The following NECTIN1 variants were observed in gnomAD, a reference collection of about 807,000 sequenced individuals.
The protein encoded by NECTIN1 is nectin-1.
Under a neutral mutation model 48.0 loss-of-function variants are expected in NECTIN1, and 23 were observed. That is an observed-to-expected ratio of 0.48 (90% CI 0.34 to 0.68). NECTIN1 has a LOEUF of 0.68. Ranked by LOEUF, NECTIN1 falls within the 30% of genes least tolerant of loss-of-function variation. NECTIN1 has a pLI of 0.01. For missense variants in NECTIN1, 591 were observed against 709.9 expected, an observed-to-expected ratio of 0.83 and a Z score of 1.90; for synonymous variants, 270 against 288.9, an observed-to-expected ratio of 0.93 and a Z score of 0.66.
At chr11:119,700,518 TG>T (rs1865433243) in intron 1 of NECTIN1, among the ~76,000 whole-genome samples, 2 of 152,274 alleles carry the variant, frequency 1.3e-5, no homozygotes, top group Non-Finnish European at 2.9e-5. Flanking sequence ...TTGGCCAGTC[TG>T]GGGGTCTCTG....
At chr11:119,699,038 T>G (rs1222558450) in intron 1 of NECTIN1, among the ~76,000 whole-genome samples, 2 of 152,156 alleles carry the variant, frequency 1.3e-5, no homozygotes, top group African/African-American at 4.8e-5. Context: ...AAAATCAGCA[T>G]CCTCACTCTG....
chr11:119,720,712 G>A (rs1255856996), intron 1 of NECTIN1, among the ~76,000 whole-genome samples: 1 of 152,242 alleles, frequency 6.6e-6, no homozygotes, highest in Non-Finnish European at 1.5e-5. Flanking sequence ...GCAGGGGAGG[G>A]ACGCAAAGCA....
chr11:119,696,744 G>C (rs1865347040), intron 1 of NECTIN1, among the ~76,000 whole-genome samples: 1 of 152,182 alleles, frequency 6.6e-6, no homozygotes, highest in African/African-American at 2.4e-5. Context: ...GGCTCAGTGG[G>C]TCTTTGGCCC....
At position 119,649,844 on chromosome 11, in the gene NECTIN1, G is replaced by A. The variant is rs370094696; in HGVS notation, c.1004-9832C>T. Among the ~76,000 whole-genome samples the A allele has an allele frequency of 1.1e-3, 161 of 152,342 alleles. 1 individual carries two copies. Among genetic ancestry groups the A allele is most frequent in the South Asian group, 7.5e-3 (36 of 4,828 alleles). ...AAATCTGTCAAGGTCAGCCCCACCA[G>A]CAGAGTTGGGCTACTCAGGAGGAAA... On this transcript the variant is annotated intron_variant, in intron 5 of 7. Transcript: ENST00000341398.
chr11:119,724,352 C>G (rs1167548105), intron 1 of NECTIN1, among the ~76,000 whole-genome samples: 1 of 152,142 alleles, frequency 6.6e-6, no homozygotes, highest in Non-Finnish European at 1.5e-5. Flanking sequence ...CAACAGAAGG[C>G]TGACAAGAGA....
intron 1 of NECTIN1, among the ~76,000 whole-genome samples, chr11:119,680,441 C>G (rs1865039855): frequency 6.6e-6 from 1 of 152,178 alleles, no homozygotes; most frequent in African/African-American, 2.4e-5. Flanking sequence ...CCAAGGGAGT[C>G]TGGGATCCAA....
At chr11:119,713,831 G>C in intron 1 of NECTIN1, 1 of 455,814 alleles carries the variant, frequency 2.2e-6, no homozygotes, top group East Asian at 7.0e-5. Context: ...TTCGGCGAGG[G>C]GAGGCACTGT....
Position 119,726,936 on chromosome 11 carries a change from GAGA to G in NECTIN1, c.79+1536_79+1538del, listed in dbSNP as rs148639384. Among the ~76,000 whole-genome samples, 1,773 of 152,270 alleles carry G rather than the reference GAGA, an allele frequency of 0.012. 76 individuals carry two copies. In the East Asian group the frequency reaches 0.13, roughly 11 times the overall value. Reference sequence around the variant, plus strand: ...GCTGGCTTCCCAGGCCATCCAGTGTGAGAAGACCTCTCACTCTCACCAAGACCA... The same window carrying G: ...GCTGGCTTCCCAGGCCATCCAGTGTGAGACCTCTCACTCTCACCAAGACCA... On this transcript the variant is annotated intron_variant, in intron 1 of 5. Transcript: ENST00000264025.
At position 119,651,960 on chromosome 11, in the gene NECTIN1, G is replaced by A. The variant is rs115156347; in HGVS notation, c.1004-11948C>T. The stretch of plus-strand genomic sequence containing the variant: ...CAGAGAGGCAAAGGGCCTTGCTCAA[G>A]GTCACCTGGTGAGAAGTGGCAGAGC... On this transcript the variant is annotated intron_variant, in intron 5 of 7. Transcript: ENST00000341398. Among the ~76,000 whole-genome samples the A allele has an allele frequency of 2.1e-3, 320 of 152,250 alleles. 1 individual carries two copies. Among genetic ancestry groups the A allele is most frequent in the African/African-American group, 7.2e-3 (300 of 41,546 alleles).
At chr11:119,701,852 C>A (rs147603529) in intron 1 of NECTIN1, among the ~76,000 whole-genome samples, 18 of 152,278 alleles carry the variant, frequency 1.2e-4, no homozygotes, top group African/African-American at 3.6e-4. Context: ...CCACCTGCCT[C>A]CGCCTCACTG....
At chr11:119,652,730 G>C (rs59781657) in intron 5 of NECTIN1, among the ~76,000 whole-genome samples, 2,631 of 152,282 alleles carry the variant, frequency 0.017, 60 homozygotes, top group East Asian at 0.056. Context: ...ATACGCTGTT[G>C]GTGGGAGCGA....
chr11:119,707,018 G>A (rs1216740683), intron 1 of NECTIN1, among the ~76,000 whole-genome samples: 4 of 152,198 alleles, frequency 2.6e-5, no homozygotes, highest in Non-Finnish European at 5.9e-5. Context: ...AAGGAGAGGG[G>A]TTAGAATCTA....
exon 8 of NECTIN1, chr11:119,638,178 G>A: frequency 6.2e-7 from 1 of 1,613,976 alleles, no homozygotes; most frequent in Non-Finnish European, 8.5e-7. Context: ...TAGTAGGGGG[G>A]CTGCAGGGAC....
Position 119,709,164 on chromosome 11 carries a change from C to T in NECTIN1, c.79+19311G>A, listed in dbSNP as rs868595724. Among the ~76,000 whole-genome samples, 4 of 152,128 alleles carry T rather than the reference C, an allele frequency of 2.6e-5. No homozygotes were observed. Among genetic ancestry groups the T allele is most frequent in the Non-Finnish European group, 5.9e-5 (4 of 68,018 alleles). On this transcript the variant is annotated intron_variant, in intron 1 of 5. Coordinates refer to ENST00000264025, the MANE Select transcript of NECTIN1 (RefSeq NM_002855.5). The surrounding 1 kb of genome is among the most constrained non-coding windows in gnomAD (Gnocchi z 4.1). Reference sequence around the variant, plus strand: ...CACACCACCTATTTTTGAAGACAGGCGGGTCCCTTGGTAATAGAACAGGCA... The same window carrying T: ...CACACCACCTATTTTTGAAGACAGGTGGGTCCCTTGGTAATAGAACAGGCA...
At chr11:119,654,281 A>G (rs1380422996) in intron 5 of NECTIN1, 1 of 152,032 alleles carries the variant, frequency 6.6e-6, no homozygotes. Context: ...CCATCCATCC[A>G]TCCATCCATC....
chr11:119,725,362 T>G (rs1462698171), intron 1 of NECTIN1, among the ~76,000 whole-genome samples: 1 of 152,226 alleles, frequency 6.6e-6, no homozygotes, highest in Admixed American at 6.5e-5. Flanking sequence ...CTGTCCCATA[T>G]GCTCTGAAGT....
rs1299637821 is a variant in NECTIN1, at chr11:119,639,150, AGGTGCACGGTAT to A, written c.1152-356_1152-345del. On this transcript the variant is annotated intron_variant, in intron 6 of 7. Transcript: ENST00000341398. ...TCACCCAGGGCGGGCATGAGGCCTC[AGGTGCACGGTAT>A]GCGGCACCGACAGCCTTAGCCAGCA... Among the ~76,000 whole-genome samples the A allele has an allele frequency of 5.6e-4, 85 of 152,208 alleles. 3 individuals are homozygous for A. Among genetic ancestry groups the A allele is most frequent in the Non-Finnish European group, 2.9e-5 (2 of 68,038 alleles).
At chr11:119,648,295 G>GTGATGGTGGTGA (rs779430874) in intron 5 of NECTIN1, among the ~76,000 whole-genome samples, 1 of 9,654 alleles carries the variant, frequency 1.0e-4, no homozygotes, top group Non-Finnish European at 2.0e-4. Context: ...GGTGATGGTG[G>GTGATGGTGGTGA]TGGTGGTGGT....
At chr11:119,671,798 C>T (rs777212704) in intron 5 of NECTIN1, among the ~76,000 whole-genome samples, 6 of 152,200 alleles carry the variant, frequency 3.9e-5, no homozygotes, top group Non-Finnish European at 7.3e-5. Context: ...AGGGCCTCGG[C>T]AAGCTGGGGG....
Sources: allele counts gnomAD v4.1 joint callset (sites outside exome capture counted in the v4.1 genomes callset), GRCh38; gene constraint gnomAD v4.1.1; non-coding constraint Gnocchi (gnomAD v3.1); transcripts MANE v1.5; gene names NCBI Gene and HGNC (gene_info 2026-07-23, HGNC 2026-07-21).